The following VWC2 variants were observed in gnomAD, a reference collection of about 807,000 sequenced individuals.
VWC2 encodes the protein von Willebrand factor C domain containing 2.
VWC2 carries 14 observed loss-of-function variants against 29.8 expected under a neutral mutation model. That is an observed-to-expected ratio of 0.47 (90% CI 0.31 to 0.74). The LOEUF is 0.74. VWC2 is among the 30% of genes least tolerant of loss of function. The pLI is 0.05. For missense variants in VWC2, 457 were observed against 459.8 expected, an observed-to-expected ratio of 0.99 and a Z score of 0.05; for synonymous variants, 213 against 199.0, an observed-to-expected ratio of 1.07 and a Z score of -0.59.
chr7:49,891,819 T>A (rs1792139756), intron 3 of VWC2, among the ~76,000 whole-genome samples: 1 of 152,204 alleles, frequency 6.6e-6, no homozygotes, highest in Admixed American at 6.5e-5. Context: ...AATGTTTTAC[T>A]TCATAATAGG....
intron 3 of VWC2, among the ~76,000 whole-genome samples, chr7:49,883,201 G>C (rs1791747728): frequency 6.6e-6 from 1 of 152,070 alleles, no homozygotes; most frequent in Non-Finnish European, 1.5e-5. Context: ...AGGCAATGAA[G>C]TCGACTGACC....
intron 3 of VWC2, among the ~76,000 whole-genome samples, chr7:49,885,917 G>A (rs1457210169): frequency 1.3e-5 from 2 of 152,244 alleles, no homozygotes; most frequent in Non-Finnish European, 2.9e-5. Flanking sequence ...CAAGACCTCC[G>A]TGATTCTGGG....
intron 3 of VWC2, among the ~76,000 whole-genome samples, chr7:49,895,734 T>TCAC (rs10625524): frequency 5.3e-5 from 8 of 151,828 alleles, no homozygotes; most frequent in African/African-American, 1.9e-4. Flanking sequence ...TCTGCCTGCA[T>TCAC]ATTTCTTGTA....
At chr7:49,852,288 G>A (rs1290291989) in intron 3 of VWC2, among the ~76,000 whole-genome samples, 2 of 152,176 alleles carry the variant, frequency 1.3e-5, no homozygotes, top group African/African-American at 4.8e-5. Context: ...TGGCTCTGTG[G>A]CTGTGCTCTT....
At chr7:49,861,335 A>T (rs7797415) in intron 3 of VWC2, among the ~76,000 whole-genome samples, 20 of 151,958 alleles carry the variant, frequency 1.3e-4, no homozygotes, top group African/African-American at 4.6e-4. Context: ...CATTTTATTG[A>T]GTTGCTTGCC....
At chr7:49,854,980 A>G (rs543256349) in intron 3 of VWC2, among the ~76,000 whole-genome samples, 1 of 152,346 alleles carries the variant, frequency 6.6e-6, no homozygotes, top group Non-Finnish European at 1.5e-5. Flanking sequence ...TCATAAGAGT[A>G]GTGCCAAGCT....
At position 49,775,788 on chromosome 7, in the gene VWC2, C is replaced by A. The variant is rs763774592; in HGVS notation, c.353C>A (p.Pro118Gln). The change falls in exon 2 of 4, where the codon CCG (proline) becomes CAG (glutamine). Residue 118 changes from proline (P) to glutamine (Q), a missense_variant. Pro to Gln is a moderately conservative substitution (Grantham distance 76). Coordinates refer to ENST00000340652, the MANE Select transcript of VWC2 (RefSeq NM_198570.5). ...CAGGTCCGGCCCCGCGGGGACACCC[C>A]GCAGGCGGAAGCCCTGGCCGCAGCC... is the stretch of plus-strand genomic sequence containing the variant. ...DLQVRPRGDTPQAEALAAAAQ... is the reference protein window; with the variant it reads ...DLQVRPRGDTQQAEALAAAAQ... 2.0e-5 allele frequency: 30 copies of A among 1,528,420 alleles called. No homozygotes were observed. The highest frequency in any genetic ancestry group is 2.5e-5 in the Non-Finnish European group (29 of 1,138,336). The allele number at this position is 1,528,420 out of a possible 1,614,324, so 94.7% of individuals were successfully genotyped here. A position where few individuals can be genotyped will look rare whatever the true frequency, so the allele number is the denominator to read the frequency against.
chr7:49,788,806 G>C (rs1038764593), intron 2 of VWC2, among the ~76,000 whole-genome samples: 1 of 150,174 alleles, frequency 6.7e-6, no homozygotes, highest in Non-Finnish European at 1.5e-5. Context: ...GTGACTGTGT[G>C]GGTGCGTGTG....
At chr7:49,785,399 T>G (rs960840748) in intron 2 of VWC2, among the ~76,000 whole-genome samples, 5 of 152,226 alleles carry the variant, frequency 3.3e-5, no homozygotes, top group Admixed American at 1.3e-4. Flanking sequence ...TCCAAGACTT[T>G]CTAGTTGAAA....
chr7:49,916,869 C>T lies in VWC2; in HGVS notation c.*4684C>T, dbSNP rs1025441595. On this transcript the variant is annotated 3_prime_UTR_variant, in exon 4 of 4. Transcript: ENST00000340652. Reference sequence around the variant, plus strand: ...ACCCCAAATACCCCATGGTAGTTTTCGGATGAACTCTGACAGCTATTGGCC... The same window carrying T: ...ACCCCAAATACCCCATGGTAGTTTTTGGATGAACTCTGACAGCTATTGGCC... 6.6e-5 allele frequency: 10 copies of T among 152,132 alleles called. No individual in the cohort carries two copies. Among genetic ancestry groups the T allele is most frequent in the Admixed American group, 4.6e-4 (7 of 15,268 alleles). 9.4% of individuals were successfully genotyped at this position (152,132 alleles called of 1,614,324 possible).
chr7:49,885,170 T>A (rs1237734615), intron 3 of VWC2, among the ~76,000 whole-genome samples: 1 of 152,050 alleles, frequency 6.6e-6, no homozygotes, highest in East Asian at 1.9e-4. Context: ...AAAAAGCACA[T>A]AAGAAATTGA....
At chr7:49,819,838 G>A (rs1789226486) in intron 3 of VWC2, among the ~76,000 whole-genome samples, 1 of 152,112 alleles carries the variant, frequency 6.6e-6, no homozygotes, top group Admixed American at 6.6e-5. Context: ...GGTCCAGGAG[G>A]GTCTCTGTTC....
At position 49,911,212 on chromosome 7, in the gene VWC2, G is replaced by A. The variant is rs182744972; in HGVS notation, c.827-822G>A. 4.7e-4 allele frequency among the ~76,000 whole-genome samples: 71 copies of A among 152,150 alleles called. No homozygotes were observed. The Middle Eastern group carries it at 0.017, about 37-fold the overall frequency. On this transcript the variant is annotated intron_variant, in intron 3 of 3. Transcript: ENST00000340652. ...TAAAAATTTTAAATGGGCTGGGAGC[G>A]GTGGCTTACACCTGTAATCCCAGCA...
At chr7:49,784,088 A>G (rs1023268971) in intron 2 of VWC2, among the ~76,000 whole-genome samples, 11 of 152,338 alleles carry the variant, frequency 7.2e-5, no homozygotes, top group African/African-American at 2.6e-4. Flanking sequence ...TGAATATCAT[A>G]TAAAACACAT....
rs1283493756 is a variant in VWC2, at chr7:49,818,782, T to C, written c.826+15942T>C. 1.7e-4 allele frequency among the ~76,000 whole-genome samples: 26 copies of C among 149,136 alleles called. No individual in the cohort carries two copies. In the Admixed American group the frequency reaches 1.7e-3, roughly 10 times the overall value. The stretch of plus-strand genomic sequence containing the variant: ...AATTCATATATATATGAATTTGCCT[T>C]TAAAATAAAATATTATGTAAAGGAA... On this transcript the variant is annotated intron_variant, in intron 3 of 3. Transcript: ENST00000340652.
chr7:49,848,685 C>T (rs113161397), intron 3 of VWC2, among the ~76,000 whole-genome samples: 4,023 of 152,296 alleles, frequency 0.026, 154 homozygotes, highest in South Asian at 0.12. Flanking sequence ...CCTCCTCAGA[C>T]CTTATATGTT....
chr7:49,777,587 A>G (rs1223235378), intron 2 of VWC2, among the ~76,000 whole-genome samples: 1 of 152,208 alleles, frequency 6.6e-6, no homozygotes, highest in Non-Finnish European at 1.5e-5. Context: ...CTCCAGGCAT[A>G]CATTGCTTAA....
intron 1 of VWC2, among the ~76,000 whole-genome samples, 199 bp from the exon 2 acceptor site, chr7:49,775,134 T>C (rs1034180086): frequency 3.9e-5 from 6 of 152,172 alleles, no homozygotes; most frequent in African/African-American, 1.4e-4. Flanking sequence ...GTGTCGTTCT[T>C]GGATTTCGCT....
intron 3 of VWC2, among the ~76,000 whole-genome samples, chr7:49,839,623 TTTTC>T (rs1789746391): frequency 6.8e-6 from 1 of 147,716 alleles, no homozygotes; most frequent in Non-Finnish European, 1.5e-5. Flanking sequence ...AAAAAAGAGG[TTTTC>T]TTTGTCTGTT....
Sources: allele counts gnomAD v4.1 joint callset (sites outside exome capture counted in the v4.1 genomes callset), GRCh38; gene constraint gnomAD v4.1.1; transcripts MANE v1.5; gene names NCBI Gene and HGNC (gene_info 2026-07-23, HGNC 2026-07-21).